TAFA5: variants seen among roughly 807,000 people sequenced by gnomAD.
The protein encoded by TAFA5 is chemokine-like protein TAFA-5.
Under a neutral mutation model 15.3 loss-of-function variants are expected in TAFA5, and 6 were observed. The ratio of observed to expected loss-of-function variants is 0.39; its 90% confidence interval spans 0.21 to 0.77. The LOEUF is 0.77. Ranked by LOEUF, TAFA5 falls within the 30% of genes least tolerant of loss-of-function variation. TAFA5 has a pLI of 0.41. For synonymous variants in TAFA5, 103 were observed against 80.7 expected (o/e 1.28, Z -1.48); for missense variants, 161 against 193.1 (o/e 0.83, Z 0.98).
chr22:48,605,299 G>A (rs1348831403), intron 1 of TAFA5, among the ~76,000 whole-genome samples: 2 of 141,722 alleles, frequency 1.4e-5, no homozygotes, highest in Non-Finnish European at 3.1e-5. Context: ...TAATGGTGGT[G>A]ATGGTGATGA....
intron 1 of TAFA5, among the ~76,000 whole-genome samples, chr22:48,495,737 G>A (rs1928302710): frequency 6.6e-6 from 1 of 152,126 alleles, no homozygotes; most frequent in Non-Finnish European, 1.5e-5. Context: ...TGGCTTCTCC[G>A]CCTCCAGGCC....
chr22:48,562,430 G>A (rs1406046690), intron 1 of TAFA5, among the ~76,000 whole-genome samples: 5 of 152,192 alleles, frequency 3.3e-5, no homozygotes, highest in Admixed American at 1.3e-4. Flanking sequence ...GAGCCACCGC[G>A]CCCGGCCCCG....
At position 48,743,152 on chromosome 22, in the gene TAFA5, C is replaced by A. The variant is rs375430979; in HGVS notation, c.391-6687C>A. Among the ~76,000 whole-genome samples, 19 of 152,330 alleles carry A rather than the reference C, an allele frequency of 1.2e-4. No homozygotes were observed. In the East Asian group the frequency reaches 3.3e-3, roughly 26 times the overall value. On this transcript the variant is annotated intron_variant, in intron 3 of 3. Coordinates refer to ENST00000402357, the MANE Select transcript of TAFA5 (RefSeq NM_001082967.3). ...GTCCAGACGTCTGTGGTCACAGTGT[C>A]TGCTGGGCCGTGCTCCCGCAGGAGG...
intron 2 of TAFA5, among the ~76,000 whole-genome samples, chr22:48,665,232 G>A (rs4925401): frequency 0.21 from 31,659 of 152,020 alleles, 3,701 homozygotes; most frequent in Admixed American, 0.37. Flanking sequence ...GTGTTCATTT[G>A]CGTCTTCCAC....
intron 1 of TAFA5, among the ~76,000 whole-genome samples, chr22:48,531,085 A>T (rs984771814): frequency 2.6e-5 from 4 of 152,060 alleles, no homozygotes; most frequent in Non-Finnish European, 1.5e-5. Flanking sequence ...TGGGGTAGCC[A>T]GGAGCCACCA....
At chr22:48,510,946 T>G (rs915759431) in intron 1 of TAFA5, among the ~76,000 whole-genome samples, 1 of 152,262 alleles carries the variant, frequency 6.6e-6, no homozygotes, top group African/African-American at 2.4e-5. Context: ...TTTGGAAGAT[T>G]TCTCACCCCT....
chr22:48,629,891 A>G lies in TAFA5; in HGVS notation c.113-16706A>G, dbSNP rs1926154742. On this transcript the variant is annotated intron_variant, in intron 1 of 3. Transcript: ENST00000402357. ...GCAACGCCGAGTGTCCTCCCGGCAG[A>G]GGAGTGCGGGCACCTGGGAAATTGG... Among the ~76,000 whole-genome samples, 3 of 152,324 alleles carry G rather than the reference A, an allele frequency of 2.0e-5. No individual in the cohort carries two copies. In the South Asian group the frequency reaches 6.2e-4, roughly 32 times the overall value.
In TAFA5 at chr22:48,638,763, A is replaced by ACC. The variant is rs369094413; in HGVS notation, c.113-7827_113-7826dup. 4.3e-3 allele frequency among the ~76,000 whole-genome samples: 180 copies of ACC among 42,054 alleles called. 15 individuals carry two copies. The highest frequency in any genetic ancestry group is 0.021 in the African/African-American group (153 of 7,128). 27.6% of individuals were successfully genotyped at this position (42,054 alleles called of 152,430 possible). A position where few individuals can be genotyped will look rare whatever the true frequency, so the allele number is the denominator to read the frequency against. On this transcript the variant is annotated intron_variant, in intron 1 of 3. Coordinates refer to ENST00000402357, the MANE Select transcript of TAFA5 (RefSeq NM_001082967.3). The stretch of plus-strand genomic sequence containing the variant: ...CCCTGGGACACCACACACAGGCGGG[A>ACC]CCCCCCCCATCCCCCGACACTAAGC...
At chr22:48,599,444 C>G (rs1924883984) in intron 1 of TAFA5, among the ~76,000 whole-genome samples, 1 of 152,248 alleles carries the variant, frequency 6.6e-6, no homozygotes, top group South Asian at 2.1e-4. Context: ...TTGGGCGTCA[C>G]AGGCCCACAG....
At position 48,506,699 on chromosome 22, in the gene TAFA5, C is replaced by T. The variant is rs547402999; in HGVS notation, c.112+16995C>T. 7.2e-5 allele frequency among the ~76,000 whole-genome samples: 11 copies of T among 152,284 alleles called. No homozygotes were observed. In the East Asian group the frequency reaches 1.4e-3, roughly 19 times the overall value. On this transcript the variant is annotated intron_variant, in intron 1 of 3. Transcript: ENST00000402357. ...TGAAGAGGGACCTCAGGGCCTGGGA[C>T]GCCACTGCGCTCAGGGCACACGGCA...
At chr22:48,610,406 G>A (rs1359493370) in intron 1 of TAFA5, among the ~76,000 whole-genome samples, 3 of 152,232 alleles carry the variant, frequency 2.0e-5, no homozygotes, top group East Asian at 1.9e-4. Context: ...CGCCCTGGCC[G>A]GCGTATAAAT....
intron 1 of TAFA5, among the ~76,000 whole-genome samples, chr22:48,642,917 A>C (rs1601637780): frequency 6.6e-6 from 1 of 152,088 alleles, no homozygotes; most frequent in South Asian, 2.1e-4. Flanking sequence ...AGCTCCACAC[A>C]CCCTGGCTCT....
Position 48,749,798 on chromosome 22 carries a change from G to A in TAFA5, c.391-41G>A, listed in dbSNP as rs367559522. ...TGTGTTCCCTGTGGCCCTGGGCAGC[G>A]TCTGCAGGAGGCTCACCCTCTCTCT... On this transcript the variant is annotated intron_variant, in intron 3 of 3. Coordinates refer to ENST00000402357, the MANE Select transcript of TAFA5 (RefSeq NM_001082967.3). The A allele has an allele frequency of 1.1e-4, 167 of 1,558,340 alleles. No individual in the cohort carries two copies. The African/African-American group carries it at 1.4e-3, about 13-fold the overall frequency.
intron 1 of TAFA5, chr22:48,576,543 A>G (rs375149926): frequency 3.3e-6 from 5 of 1,517,656 alleles, no homozygotes; most frequent in Non-Finnish European, 4.4e-6. Context: ...TCCTCGTCCT[A>G]GTGATCCACG....
chr22:48,749,746 G>A lies in TAFA5; in HGVS notation c.391-93G>A, dbSNP rs1324834851. ...TTCAGGCCCTCCAGGAGGCCGGCTG[G>A]CAGGAGCCGGGGAGGGAAGAGGAGC... On this transcript the variant is annotated intron_variant, in intron 3 of 3. Coordinates refer to ENST00000402357, the MANE Select transcript of TAFA5 (RefSeq NM_001082967.3). The A allele has an allele frequency of 1.7e-5, 24 of 1,445,374 alleles. No individual in the cohort carries two copies. In the Admixed American group the frequency reaches 4.4e-4, roughly 26 times the overall value. 89.5% of individuals were successfully genotyped at this position (1,445,374 alleles called of 1,614,324 possible).
chr22:48,731,953 C>T (rs1929880968), intron 3 of TAFA5, among the ~76,000 whole-genome samples: 1 of 152,172 alleles, frequency 6.6e-6, no homozygotes, highest in Admixed American at 6.5e-5. Flanking sequence ...AAATGCAAAC[C>T]TTGTGGAGAG....
At chr22:48,494,047 C>T (rs1275885541) in intron 1 of TAFA5, among the ~76,000 whole-genome samples, 2 of 152,230 alleles carry the variant, frequency 1.3e-5, no homozygotes, top group African/African-American at 2.4e-5. Context: ...AAGGAGGCTC[C>T]ACCTGATGGG....
intron 1 of TAFA5, among the ~76,000 whole-genome samples, chr22:48,596,614 G>A (rs1000953768): frequency 6.6e-6 from 1 of 152,060 alleles, no homozygotes; most frequent in Non-Finnish European, 1.5e-5. Context: ...GGAGGCGCGT[G>A]AGTGACAAGT....
chr22:48,499,808 C>T (rs892434951), intron 1 of TAFA5, among the ~76,000 whole-genome samples: 1 of 152,218 alleles, frequency 6.6e-6, no homozygotes, highest in African/African-American at 2.4e-5. Flanking sequence ...CGGACCTTCC[C>T]TCCCGGGTCC....
Sources: gnomAD v4.1 joint callset for allele counts (sites outside exome capture counted in the v4.1 genomes callset) on GRCh38, gnomAD v4.1.1 for gene constraint, MANE v1.5 for transcripts, NCBI Gene and HGNC (gene_info 2026-07-23, HGNC 2026-07-21) for gene names.